Variants in RNF220 observed in about 807,000 individuals in gnomAD.
RNF220 encodes the protein E3 ubiquitin-protein ligase RNF220.
In RNF220, 7 loss-of-function variants were observed where a neutral mutation model predicts 67.1. That is an observed-to-expected ratio of 0.10 (90% CI 0.06 to 0.20). The LOEUF is 0.20. Ranked by LOEUF, RNF220 falls within the 10% of genes least tolerant of loss-of-function variation. The pLI, the probability that RNF220 is intolerant of heterozygous loss-of-function variation, is 1.00. For synonymous variants in RNF220, 270 were observed against 283.2 expected (o/e 0.95, Z 0.47); for missense variants, 565 against 740.3 (o/e 0.76, Z 2.75).
intron 2 of RNF220, among the ~76,000 whole-genome samples, chr1:44,506,138 C>G (rs902283951): frequency 6.6e-6 from 1 of 152,260 alleles, no homozygotes; most frequent in Non-Finnish European, 1.5e-5. Flanking sequence ...CCCAGGCACT[C>G]TAGCCCAGAA....
intron 2 of RNF220, among the ~76,000 whole-genome samples, chr1:44,564,497 G>A (rs1013178795): frequency 1.3e-4 from 20 of 152,112 alleles, no homozygotes; most frequent in Admixed American, 1.2e-3. Flanking sequence ...GTTCATGCCT[G>A]TAATCAGCAC....
At chr1:44,505,820 C>T (rs890728770) in intron 2 of RNF220, among the ~76,000 whole-genome samples, 2 of 152,112 alleles carry the variant, frequency 1.3e-5, no homozygotes, top group African/African-American at 4.8e-5. Context: ...TGCGACATGG[C>T]GCACTGCTGG....
chr1:44,483,633 C>T (rs1266351081), intron 2 of RNF220, among the ~76,000 whole-genome samples: 3 of 152,098 alleles, frequency 2.0e-5, no homozygotes, highest in South Asian at 2.1e-4. Context: ...GCAGGTTACT[C>T]TGAAGAGGTG....
At chr1:44,570,363 C>T (rs1186995791) in intron 2 of RNF220, among the ~76,000 whole-genome samples, 3 of 152,210 alleles carry the variant, frequency 2.0e-5, no homozygotes, top group Non-Finnish European at 2.9e-5. Flanking sequence ...TCTTTGGTAA[C>T]ATTTCTTCTG....
chr1:44,645,319 A>C lies in RNF220; in HGVS notation c.1366+43A>C. ...TTAGGAGTAATGGGGGAGAGGGGGTATCCCTAGATGGTGGTGACTGACTCA... is the reference window on the plus strand; with the variant it reads ...TTAGGAGTAATGGGGGAGAGGGGGTCTCCCTAGATGGTGGTGACTGACTCA... On this transcript the variant is annotated intron_variant, in intron 11 of 14. Transcript: ENST00000361799. The surrounding 1 kb of genome is among the most constrained non-coding windows in gnomAD (Gnocchi z 5.0). The C allele has an allele frequency of 1.2e-6, 2 of 1,613,222 alleles. No individual in the cohort carries two copies. Among genetic ancestry groups the C allele is most frequent in the Non-Finnish European group, 1.7e-6 (2 of 1,179,310 alleles).
At chr1:44,597,954 CA>C (rs1572995668) in intron 2 of RNF220, among the ~76,000 whole-genome samples, 1 of 118,268 alleles carries the variant, frequency 8.5e-6, no homozygotes, top group African/African-American at 4.1e-5. Context: ...CCTCACACCC[CA>C]CCCCACCCAC....
chr1:44,496,554 T>G (rs1657361745), intron 2 of RNF220, among the ~76,000 whole-genome samples: 1 of 152,188 alleles, frequency 6.6e-6, no homozygotes, highest in African/African-American at 2.4e-5. Flanking sequence ...GCTGCAGAGC[T>G]GAGTCCAAGG....
In RNF220 at chr1:44,649,484, TGAG is replaced by T. The variant is rs1557482391; in HGVS notation, c.1446-173_1446-171del. ...AATGGGAATGGAGGAATAGAGAGGG[TGAG>T]GAGTTTAGTTCTGGAATGTGGAATT... On this transcript the variant is annotated intron_variant, in intron 12 of 14. Coordinates refer to ENST00000361799, the MANE Select transcript of RNF220 (RefSeq NM_018150.4). This position sits in a 1 kb window ranked among gnomAD's most constrained non-coding sequence, Gnocchi z 5.9. 9.7e-6 allele frequency: 6 copies of T among 615,556 alleles called. No homozygotes were observed. In the South Asian group the frequency reaches 1.2e-4, roughly 12 times the overall value. 38.1% of individuals were successfully genotyped at this position (615,556 alleles called of 1,614,324 possible).
intron 2 of RNF220, among the ~76,000 whole-genome samples, chr1:44,511,950 A>G (rs1280440157): frequency 1.8e-5 from 1 of 54,676 alleles, no homozygotes; most frequent in Non-Finnish European, 4.3e-5. Flanking sequence ...TGTGTGTGTA[A>G]GTATGCCTAA....
intron 7 of RNF220, 130 bp downstream of exon 7, chr1:44,635,718 C>A: frequency 6.6e-7 from 1 of 1,521,644 alleles, no homozygotes; most frequent in Non-Finnish European, 8.8e-7. Flanking sequence ...TCCCCCGACA[C>A]TAGCTGCTGA....
intron 2 of RNF220, among the ~76,000 whole-genome samples, chr1:44,441,408 T>G (rs1651538626): frequency 6.6e-6 from 1 of 152,200 alleles, no homozygotes. Flanking sequence ...ACCTTCACAT[T>G]TTCTAAGCTG....
At chr1:44,443,416 C>A (rs1469733861) in intron 2 of RNF220, among the ~76,000 whole-genome samples, 2 of 152,202 alleles carry the variant, frequency 1.3e-5, no homozygotes. Flanking sequence ...CACACTGTTG[C>A]AGTAGGCTCC....
intron 2 of RNF220, among the ~76,000 whole-genome samples, chr1:44,590,307 G>A (rs1666025270): frequency 6.6e-6 from 1 of 152,230 alleles, no homozygotes; most frequent in Non-Finnish European, 1.5e-5. Flanking sequence ...AGTCCGGGGA[G>A]GGGCTGAAAT....
intron 2 of RNF220, among the ~76,000 whole-genome samples, chr1:44,591,866 C>T (rs542304266): frequency 8.2e-4 from 125 of 152,166 alleles, no homozygotes; most frequent in Non-Finnish European, 1.5e-3. Context: ...CCATCTGACA[C>T]TCCAGACTTC....
chr1:44,584,807 T>A (rs1335314847), intron 2 of RNF220, among the ~76,000 whole-genome samples: 1 of 152,240 alleles, frequency 6.6e-6, no homozygotes, highest in African/African-American at 2.4e-5. Flanking sequence ...CAAGTGATTC[T>A]CCTGCCTCAG....
At chr1:44,635,879 A>T in intron 7 of RNF220, 151 bp from the exon 8 acceptor site, 1 of 1,386,910 alleles carries the variant, frequency 7.2e-7, no homozygotes, top group Non-Finnish European at 9.8e-7. Context: ...CAGGTCTTTG[A>T]CCTCTAAATT....
At chr1:44,418,165 G>A (rs1213963066) in intron 2 of RNF220, among the ~76,000 whole-genome samples, 1 of 152,206 alleles carries the variant, frequency 6.6e-6, no homozygotes, top group African/African-American at 2.4e-5. Flanking sequence ...GGGAGCGCGC[G>A]GGAGGCGCTA....
rs1553127199 is a variant in RNF220 at position 44,632,331 on chromosome 1, ATCT to A, written c.907-8_907-6del. 6.2e-7 allele frequency: 1 copy of A among 1,613,880 alleles called. No homozygotes were observed. The highest frequency in any genetic ancestry group is 1.1e-5 in the South Asian group (1 of 91,082). ...TTTTCTTTTCTTGCATCTGCCCGCG[ATCT>A]TCTCCCAGACCTTTCTGCGAGTACG... is the stretch of plus-strand genomic sequence containing the variant. On this transcript the variant is annotated splice_polypyrimidine_tract_variant and intron_variant, in intron 5 of 14. Coordinates refer to ENST00000361799, the MANE Select transcript of RNF220 (RefSeq NM_018150.4).
chr1:44,444,195 A>G (rs560510909), intron 2 of RNF220, among the ~76,000 whole-genome samples: 28 of 152,292 alleles, frequency 1.8e-4, no homozygotes, highest in Admixed American at 7.2e-4. Context: ...GGTAATCACT[A>G]TCTTGACTTT....
Sources: allele counts gnomAD v4.1 joint callset (sites outside exome capture counted in the v4.1 genomes callset), GRCh38; gene constraint gnomAD v4.1.1; non-coding constraint Gnocchi (gnomAD v3.1); transcripts MANE v1.5; gene names NCBI Gene and HGNC (gene_info 2026-07-23, HGNC 2026-07-21).